Variants in MUSK observed in about 807,000 individuals in gnomAD.
The protein encoded by MUSK is muscle associated receptor tyrosine kinase, also known as muscle, skeletal receptor tyrosine-protein kinase.
Under a neutral mutation model 88.7 loss-of-function variants are expected in MUSK, and 55 were observed. The observed-to-expected ratio is 0.62, with a 90% CI of 0.50 to 0.78. The LOEUF (loss-of-function observed/expected upper bound fraction) is 0.78, where lower values mean the gene tolerates loss of function less well. MUSK is among the 30% of genes least tolerant of loss of function. MUSK has a pLI of 0.00. For missense variants in MUSK, 1,015 were observed against 1,074.3 expected (o/e 0.94, Z 0.77); for synonymous variants, 387 against 391.9 (o/e 0.99, Z 0.15).
At chr9:110,769,862 C>T (rs182110945) in intron 9 of MUSK, among the ~76,000 whole-genome samples, 164 of 152,214 alleles carry the variant, frequency 1.1e-3, no homozygotes, top group African/African-American at 3.9e-3. Flanking sequence ...ATCAGCTCAA[C>T]ACCATGGATA....
At chr9:110,751,320 A>C (rs2077244761) in intron 7 of MUSK, among the ~76,000 whole-genome samples, 1 of 152,198 alleles carries the variant, frequency 6.6e-6, no homozygotes, top group Admixed American at 6.5e-5. Context: ...AAGAGCCTAA[A>C]GGTCTGAGAC....
At chr9:110,750,035 TA>T (rs762921510) in intron 7 of MUSK, among the ~76,000 whole-genome samples, 1 of 151,376 alleles carries the variant, frequency 6.6e-6, no homozygotes, top group Admixed American at 6.6e-5. Context: ...TATCAATATA[TA>T]TTTATATAAC....
At chr9:110,758,730 T>C (rs546506068) in intron 7 of MUSK, among the ~76,000 whole-genome samples, 1 of 152,158 alleles carries the variant, frequency 6.6e-6, no homozygotes, top group Non-Finnish European at 1.5e-5. Flanking sequence ...AGTTTCAGGG[T>C]ACAAAATTAA....
chr9:110,789,275 A>G, intron 14 of MUSK, among the ~76,000 whole-genome samples: 1 of 152,234 alleles, frequency 6.6e-6, no homozygotes, highest in East Asian at 1.9e-4. Context: ...GAAGATCGTG[A>G]GAAGTGATTC....
intron 6 of MUSK, among the ~76,000 whole-genome samples, chr9:110,746,351 A>G (rs1237080490): frequency 3.9e-5 from 6 of 152,210 alleles, no homozygotes; most frequent in East Asian, 1.9e-4. Flanking sequence ...TTTGTCAGAT[A>G]TGTATTTTGT....
Position 110,781,935 on chromosome 9 carries a change from TAC to T in MUSK, c.1385-2878_1385-2877del, listed in dbSNP as rs748223429. On this transcript the variant is annotated intron_variant, in intron 11 of 14. Transcript: ENST00000374448. ...GGCTACTCACCATTTATGTTTAACTTACAGTTACTCACTCTAGAAAACCTTCT... is the reference window on the plus strand; with the variant it reads ...GGCTACTCACCATTTATGTTTAACTTAGTTACTCACTCTAGAAAACCTTCT... 8.8e-4 allele frequency among the ~76,000 whole-genome samples: 134 copies of T among 152,336 alleles called. 1 individual carries two copies. The highest frequency in any genetic ancestry group is 2.6e-3 in the Admixed American group (40 of 15,302).
At chr9:110,779,906 A>G (rs1011967440) in intron 11 of MUSK, among the ~76,000 whole-genome samples, 1 of 152,166 alleles carries the variant, frequency 6.6e-6, no homozygotes, top group African/African-American at 2.4e-5. Flanking sequence ...CTCTTTACCA[A>G]TGTAAAATGT....
chr9:110,797,726 C>CA (rs1422899666), intron 14 of MUSK, among the ~76,000 whole-genome samples: 1 of 152,090 alleles, frequency 6.6e-6, no homozygotes, highest in Non-Finnish European at 1.5e-5. Context: ...CTTCATCACA[C>CA]AAAAATCTGA....
chr9:110,685,303 T>G (rs897259086), intron 2 of MUSK, among the ~76,000 whole-genome samples: 6 of 152,168 alleles, frequency 3.9e-5, no homozygotes, highest in Non-Finnish European at 8.8e-5. Flanking sequence ...ATCCCAGGGA[T>G]AAGTTTCACT....
intron 13 of MUSK, 51 bp from the exon 14 acceptor site, chr9:110,787,639 G>T: frequency 6.3e-7 from 1 of 1,589,074 alleles, no homozygotes; most frequent in East Asian, 2.2e-5. Flanking sequence ...TAGGTATAAA[G>T]ATATGATGTC....
intron 6 of MUSK, among the ~76,000 whole-genome samples, chr9:110,742,545 A>G (rs371090610): frequency 6.6e-6 from 1 of 152,198 alleles, no homozygotes; most frequent in Non-Finnish European, 1.5e-5. Context: ...ATGGAAAGGT[A>G]TATACTTTTT....
intron 1 of MUSK, among the ~76,000 whole-genome samples, chr9:110,681,713 C>A (rs2076139187): frequency 6.6e-6 from 1 of 151,886 alleles, no homozygotes; most frequent in East Asian, 1.9e-4. Flanking sequence ...GATGAGCTTG[C>A]CTTTGACTTT....
chr9:110,773,548 ATTTCTT>A (rs2077614351), intron 9 of MUSK, among the ~76,000 whole-genome samples: 1 of 152,096 alleles, frequency 6.6e-6, no homozygotes, highest in South Asian at 2.1e-4. Context: ...CAAATAAAAT[ATTTCTT>A]TTTCTTAAAT....
chr9:110,760,473 T>C (rs1322217417), intron 7 of MUSK, among the ~76,000 whole-genome samples: 1 of 151,900 alleles, frequency 6.6e-6, no homozygotes, highest in Non-Finnish European at 1.5e-5. Context: ...GGAAACTAAA[T>C]ACTGCATGTT....
rs567218679 is a variant in MUSK at position 110,804,379 on chromosome 9, A to G, written c.*3391A>G. On this transcript the variant is annotated 3_prime_UTR_variant, in exon 15 of 15. Coordinates refer to ENST00000374448, the MANE Select transcript of MUSK (RefSeq NM_005592.4). ...ATTACTGCCACTTCTACATTGTACA[A>G]GAGATCTCATAGCCCTAAACATTTG... is the stretch of plus-strand genomic sequence containing the variant. 3.3e-5 allele frequency among the ~76,000 whole-genome samples: 5 copies of G among 152,272 alleles called. No homozygotes were observed. Among genetic ancestry groups the G allele is most frequent in the African/African-American group, 1.2e-4 (5 of 41,574 alleles).
Position 110,695,431 on chromosome 9 carries a change from T to C in MUSK, c.387T>C (p.Asn129=). Residue 129 remains asparagine, a synonymous_variant, in exon 4 of 15, where the codon AAT becomes AAC. Transcript: ENST00000374448. ...CTAAAATAACTCGTCCTCCCATAAA[T>C]GTGAAAATAATAGAGGGATTAAAAG... The part of the protein sequence containing the change: ...MKPKITRPPI[N]VKIIEGLKAV... 6.5e-7 allele frequency: 1 copy of C among 1,529,606 alleles called. No homozygotes were observed. Among genetic ancestry groups the C allele is most frequent in the African/African-American group, 1.4e-5 (1 of 73,102 alleles). The allele number at this position is 1,529,606 out of a possible 1,614,324, so 94.8% of individuals were successfully genotyped here.
chr9:110,683,349 A>G (rs1334650640), intron 2 of MUSK, among the ~76,000 whole-genome samples: 2 of 152,104 alleles, frequency 1.3e-5, no homozygotes, highest in Non-Finnish European at 2.9e-5. Flanking sequence ...CATTGTGTAT[A>G]TGTACCACAT....
In MUSK at chr9:110,767,925, G is replaced by C; in HGVS notation, c.1026G>C (p.Ala342=). 4 of 1,613,826 alleles carry C rather than the reference G, an allele frequency of 2.5e-6. No individual in the cohort carries two copies. Among genetic ancestry groups the C allele is most frequent in the African/African-American group, 2.7e-5 (2 of 74,986 alleles). ...TTGTTTTTCTCAACACCTCCTATGCGGACCCTGAGGAGGCCCAAGAGCTAC... is the reference window on the plus strand; with the variant it reads ...TTGTTTTTCTCAACACCTCCTATGCCGACCCTGAGGAGGCCCAAGAGCTAC... ...DALVFLNTSY[A]DPEEAQELLV... is the part of the protein sequence containing the mutation. The change falls in exon 9 of 15, where the codon GCG becomes GCC. Residue 342 remains alanine (A), a synonymous_variant. Transcript: ENST00000374448.
At chr9:110,681,457 T>C (rs908471631) in intron 1 of MUSK, among the ~76,000 whole-genome samples, 1 of 151,698 alleles carries the variant, frequency 6.6e-6, no homozygotes, top group Non-Finnish European at 1.5e-5. Flanking sequence ...GTTTTAATAA[T>C]TGAGTGTGGG....
Sources: gnomAD v4.1 joint callset for allele counts (sites outside exome capture counted in the v4.1 genomes callset) on GRCh38, gnomAD v4.1.1 for gene constraint, MANE v1.5 for transcripts, NCBI Gene and HGNC (gene_info 2026-07-23, HGNC 2026-07-21) for gene names.